The following EXOC6B variants were observed in gnomAD, a reference collection of about 807,000 sequenced individuals.
EXOC6B encodes exocyst complex component 6B.
Under a neutral mutation model 113.5 loss-of-function variants are expected in EXOC6B, and 54 were observed. That is an observed-to-expected ratio of 0.48 (90% CI 0.38 to 0.60). EXOC6B has a LOEUF of 0.60. EXOC6B is among the 20% of genes least tolerant of loss of function. The pLI is 0.00. For synonymous variants in EXOC6B, 357 were observed against 339.0 expected (o/e 1.05, Z -0.58); for missense variants, 797 against 977.5 (o/e 0.82, Z 2.46).
intron 6 of EXOC6B, among the ~76,000 whole-genome samples, chr2:72,589,434 C>T (rs1222652839): frequency 2.6e-5 from 4 of 151,636 alleles, no homozygotes; most frequent in South Asian, 2.1e-4. Context: ...CAAAGTATTA[C>T]GAAGTGCTCT....
Position 72,404,217 on chromosome 2 carries a change from C to T in EXOC6B, c.1981-24347G>A, listed in dbSNP as rs183517649. Reference sequence around the variant, plus strand: ...AGGTAGACAAAGCAGCCAGGAAGCTCGAACTGGGTGGAGCCCACCACAGCT... The same window carrying T: ...AGGTAGACAAAGCAGCCAGGAAGCTTGAACTGGGTGGAGCCCACCACAGCT... On this transcript the variant is annotated intron_variant, in intron 18 of 21. Coordinates refer to ENST00000272427, the MANE Select transcript of EXOC6B (RefSeq NM_015189.3). Among the ~76,000 whole-genome samples, 1,235 of 152,312 alleles carry T rather than the reference C, an allele frequency of 8.1e-3. 11 individuals carry two copies. The highest frequency in any genetic ancestry group is 0.014 in the Middle Eastern group (4 of 294).
chr2:72,540,164 A>G (rs1702520168), intron 8 of EXOC6B, among the ~76,000 whole-genome samples: 1 of 151,856 alleles, frequency 6.6e-6, no homozygotes, highest in African/African-American at 2.4e-5. Context: ...CATGGTGTAT[A>G]TGTGCCAACT....
intron 20 of EXOC6B, among the ~76,000 whole-genome samples, chr2:72,274,018 G>A (rs1023715906): frequency 6.6e-6 from 1 of 152,090 alleles, no homozygotes; most frequent in East Asian, 1.9e-4. Context: ...TATAATAAGA[G>A]TTCAGCGTTT....
At chr2:72,325,470 CTTCT>C (rs1423314301) in intron 20 of EXOC6B, among the ~76,000 whole-genome samples, 1 of 151,908 alleles carries the variant, frequency 6.6e-6, no homozygotes, top group African/African-American at 2.4e-5. Flanking sequence ...TCCCACTGTA[CTTCT>C]TTCTTTCATT....
At chr2:72,321,427 C>T (rs1045946066) in intron 20 of EXOC6B, among the ~76,000 whole-genome samples, 3 of 149,750 alleles carry the variant, frequency 2.0e-5, no homozygotes, top group Non-Finnish European at 4.4e-5. Flanking sequence ...CCCAGCTACT[C>T]GGGAGGCTGA....
At chr2:72,683,303 TA>T (rs1158135640) in intron 6 of EXOC6B, among the ~76,000 whole-genome samples, 10 of 148,564 alleles carry the variant, frequency 6.7e-5, no homozygotes, top group Admixed American at 2.7e-4. Context: ...AAGTGACTTT[TA>T]AAAAAAAAAG....
At chr2:72,595,227 C>T (rs1669996699) in intron 6 of EXOC6B, among the ~76,000 whole-genome samples, 1 of 150,624 alleles carries the variant, frequency 6.6e-6, no homozygotes, top group East Asian at 1.9e-4. Flanking sequence ...TGCCACTACA[C>T]TCCAGCCTGG....
At chr2:72,268,664 G>C (rs1403553932) in intron 20 of EXOC6B, among the ~76,000 whole-genome samples, 1 of 152,072 alleles carries the variant, frequency 6.6e-6, no homozygotes, top group East Asian at 1.9e-4. Context: ...TTGGGTCATG[G>C]GGGCGGATCC....
chr2:72,591,110 T>G (rs995124213), intron 6 of EXOC6B, among the ~76,000 whole-genome samples: 2 of 152,060 alleles, frequency 1.3e-5, no homozygotes, highest in African/African-American at 4.8e-5. Context: ...CTAGTACAAA[T>G]GTGTCACAAA....
chr2:72,371,383 A>T (rs1691007383), intron 19 of EXOC6B, among the ~76,000 whole-genome samples: 1 of 152,194 alleles, frequency 6.6e-6, no homozygotes, highest in African/African-American at 2.4e-5. Context: ...AGACACATCG[A>T]AAAAGAAAAC....
chr2:72,494,642 A>C (rs1238863687), intron 15 of EXOC6B, among the ~76,000 whole-genome samples: 1 of 152,148 alleles, frequency 6.6e-6, no homozygotes, highest in African/African-American at 2.4e-5. Context: ...ATTGTGTTGA[A>C]CAAAGATAAA....
At chr2:72,792,985 A>C (rs1684758542) in intron 1 of EXOC6B, among the ~76,000 whole-genome samples, 1 of 152,192 alleles carries the variant, frequency 6.6e-6, no homozygotes, top group Non-Finnish European at 1.5e-5. Flanking sequence ...TTATATAAGT[A>C]AGGAGCTCAA....
chr2:72,550,916 T>A (rs953510833), intron 8 of EXOC6B, among the ~76,000 whole-genome samples: 1 of 149,012 alleles, frequency 6.7e-6, no homozygotes, highest in Non-Finnish European at 1.5e-5. Flanking sequence ...TTATTTTTTT[T>A]TTATTTTTTT....
In EXOC6B at chr2:72,693,669, T is replaced by G. The variant is rs116177261; in HGVS notation, c.669+24434A>C. On this transcript the variant is annotated intron_variant, in intron 6 of 21. Transcript: ENST00000272427. ...TCAAGGTTTGGTCGGGTTACTTAAA[T>G]CCATAAATCAATATTATTGTGGCTG... Among the ~76,000 whole-genome samples the G allele has an allele frequency of 5.6e-3, 847 of 152,284 alleles. 7 individuals are homozygous for G. The highest frequency in any genetic ancestry group is 0.02 in the African/African-American group (819 of 41,566).
At chr2:72,229,949 G>C (rs1271289231) in intron 20 of EXOC6B, among the ~76,000 whole-genome samples, 1 of 151,986 alleles carries the variant, frequency 6.6e-6, no homozygotes, top group Non-Finnish European at 1.5e-5. Flanking sequence ...ATCTTAAAAA[G>C]GCAAGATCAC....
intron 20 of EXOC6B, among the ~76,000 whole-genome samples, chr2:72,267,268 C>G (rs1216926472): frequency 1.3e-5 from 2 of 152,172 alleles, no homozygotes; most frequent in Non-Finnish European, 2.9e-5. Context: ...TGCCTAATTG[C>G]CCTGGCCAGA....
intron 20 of EXOC6B, among the ~76,000 whole-genome samples, chr2:72,296,249 C>T (rs912164362): frequency 1.3e-5 from 2 of 152,022 alleles, no homozygotes; most frequent in African/African-American, 2.4e-5. Flanking sequence ...AGTATGACCT[C>T]GCTGAAATAG....
chr2:72,346,149 T>C (rs1163809343), intron 19 of EXOC6B, among the ~76,000 whole-genome samples: 1 of 152,112 alleles, frequency 6.6e-6, no homozygotes, highest in African/African-American at 2.4e-5. Context: ...GTACTCCAAA[T>C]GTATTTATAA....
intron 6 of EXOC6B, among the ~76,000 whole-genome samples, chr2:72,635,047 T>C (rs992475283): frequency 1.3e-5 from 2 of 151,852 alleles, no homozygotes; most frequent in African/African-American, 4.8e-5. Context: ...AAACCAAAAT[T>C]AGTAGGATAT....
Sources: gnomAD v4.1 joint callset for allele counts (sites outside exome capture counted in the v4.1 genomes callset) on GRCh38, gnomAD v4.1.1 for gene constraint, MANE v1.5 for transcripts, NCBI Gene and HGNC (gene_info 2026-07-23, HGNC 2026-07-21) for gene names.